Variants in RBFOX1 observed in about 807,000 individuals in gnomAD.
RBFOX1 encodes the protein RNA binding protein fox-1 homolog 1.
A neutral mutation model predicts 57.7 loss-of-function variants in RBFOX1; 8 were observed. That is an observed-to-expected ratio of 0.14 (90% CI 0.08 to 0.25). The LOEUF (loss-of-function observed/expected upper bound fraction) is 0.25, where lower values mean the gene tolerates loss of function less well. Ranked by LOEUF, RBFOX1 falls within the 10% of genes least tolerant of loss-of-function variation. The probability of loss-of-function intolerance (pLI) is 1.00; values close to 1 mark genes in which losing one functional copy is unlikely to be tolerated. For synonymous variants in RBFOX1, 326 were observed against 222.4 expected, an observed-to-expected ratio of 1.47 and a Z score of -4.15; for missense variants, 611 against 548.5, an observed-to-expected ratio of 1.11 and a Z score of -1.14.
chr16:7,115,604 C>G (rs1055718992), intron 4 of RBFOX1, among the ~76,000 whole-genome samples: 18 of 152,248 alleles, frequency 1.2e-4, no homozygotes, highest in African/African-American at 4.1e-4. Context: ...CACAGATTTA[C>G]CTCTGGAAAG....
At chr16:7,252,057 C>G (rs552202556) in intron 4 of RBFOX1, among the ~76,000 whole-genome samples, 1 of 152,242 alleles carries the variant, frequency 6.6e-6, no homozygotes, top group South Asian at 2.1e-4. Flanking sequence ...ATATTGTGTT[C>G]TAGCACACTG....
At chr16:5,954,538 G>A (rs1269758525) in intron 4 of RBFOX1, among the ~76,000 whole-genome samples, 1 of 152,174 alleles carries the variant, frequency 6.6e-6, no homozygotes, top group Admixed American at 6.5e-5. Flanking sequence ...TATTAAAAGT[G>A]TTCTTAATTA....
intron 2 of RBFOX1, among the ~76,000 whole-genome samples, chr16:6,410,895 T>A (rs1041868625): frequency 6.6e-6 from 1 of 152,082 alleles, no homozygotes; most frequent in East Asian, 1.9e-4. Context: ...CAGCGCACAG[T>A]TGGGGATAAA....
At chr16:5,723,777 G>T (rs1196063509) in intron 3 of RBFOX1, among the ~76,000 whole-genome samples, 3 of 152,234 alleles carry the variant, frequency 2.0e-5, no homozygotes, top group African/African-American at 7.2e-5. Context: ...CCAGCCCACA[G>T]GCAGCTATGG....
intron 2 of RBFOX1, among the ~76,000 whole-genome samples, chr16:6,346,386 A>T (rs570119095): frequency 3.7e-4 from 57 of 152,344 alleles, no homozygotes; most frequent in African/African-American, 1.2e-3. Flanking sequence ...AACTAAGTGA[A>T]AGCCTAACTT....
chr16:5,500,520 C>T (rs1035371035), intron 2 of RBFOX1, among the ~76,000 whole-genome samples: 6 of 152,156 alleles, frequency 3.9e-5, no homozygotes, highest in Non-Finnish European at 2.9e-5. Flanking sequence ...TCATGCCTGG[C>T]CGAGTATCAG....
intron 2 of RBFOX1, among the ~76,000 whole-genome samples, chr16:5,587,084 T>C (rs1406086636): frequency 6.6e-6 from 1 of 152,144 alleles, no homozygotes; most frequent in East Asian, 1.9e-4. Context: ...AAAATGGACA[T>C]GGCCCATTGG....
intron 2 of RBFOX1, among the ~76,000 whole-genome samples, chr16:5,489,450 A>G (rs1415266711): frequency 6.6e-6 from 1 of 152,240 alleles, no homozygotes; most frequent in Non-Finnish European, 1.5e-5. Context: ...GAAACTGGAT[A>G]GACTTCCATT....
intron 3 of RBFOX1, among the ~76,000 whole-genome samples, chr16:6,828,369 C>A (rs1047655589): frequency 6.6e-6 from 1 of 151,944 alleles, no homozygotes; most frequent in East Asian, 1.9e-4. Flanking sequence ...ACTCAAAATA[C>A]AAAAATTAAC....
At chr16:6,865,256 G>A (rs1452085758) in intron 3 of RBFOX1, among the ~76,000 whole-genome samples, 1 of 151,850 alleles carries the variant, frequency 6.6e-6, no homozygotes, top group East Asian at 1.9e-4. Flanking sequence ...ACCCGCCTTG[G>A]CCTCCCACAG....
At chr16:6,481,843 T>C (rs1448217627) in intron 2 of RBFOX1, among the ~76,000 whole-genome samples, 1 of 152,178 alleles carries the variant, frequency 6.6e-6, no homozygotes, top group East Asian at 1.9e-4. Context: ...AGAACACAAA[T>C]AGAATTTTGT....
In RBFOX1 at chr16:6,803,252, C is replaced by T. The variant is rs117092937; in HGVS notation, c.-16+148602C>T. Among the ~76,000 whole-genome samples the T allele has an allele frequency of 9.8e-3, 1,498 of 152,218 alleles. 12 individuals are homozygous for T. Among genetic ancestry groups the T allele is most frequent in the Non-Finnish European group, 0.016 (1,072 of 68,020 alleles). On this transcript the variant is annotated intron_variant, in intron 3 of 15. Transcript: ENST00000550418. ...CTATGACATTGCTGTTAGCTTTCTGCATGAAAGTGCAAACTTCAATTTTCA... is the reference window on the plus strand; with the variant it reads ...CTATGACATTGCTGTTAGCTTTCTGTATGAAAGTGCAAACTTCAATTTTCA...
intron 1 of RBFOX1, among the ~76,000 whole-genome samples, chr16:5,301,130 G>T (rs1310298854): frequency 6.6e-6 from 1 of 152,160 alleles, no homozygotes; most frequent in Non-Finnish European, 1.5e-5. Context: ...TTACCTTCGA[G>T]ACCAGTTTAC....
chr16:6,641,902 TGACCCA>T, intron 2 of RBFOX1, among the ~76,000 whole-genome samples: 1 of 152,246 alleles, frequency 6.6e-6, no homozygotes, highest in Admixed American at 6.5e-5. Context: ...CACACACCAC[TGACCCA>T]GTTAGGGCTT....
chr16:7,635,162 A>G (rs1016832702), intron 11 of RBFOX1, among the ~76,000 whole-genome samples: 1 of 152,212 alleles, frequency 6.6e-6, no homozygotes, highest in Non-Finnish European at 1.5e-5. Context: ...GGTAAAGAAC[A>G]TACCACATCT....
At chr16:6,645,013 C>T (rs1342387022) in intron 2 of RBFOX1, among the ~76,000 whole-genome samples, 3 of 152,110 alleles carry the variant, frequency 2.0e-5, no homozygotes, top group Non-Finnish European at 4.4e-5. Flanking sequence ...GGCTCTACGT[C>T]CAAGTTGAAA....
intron 4 of RBFOX1, among the ~76,000 whole-genome samples, chr16:7,070,756 T>C (rs75453106): frequency 0.01 from 1,531 of 152,280 alleles, 30 homozygotes; most frequent in African/African-American, 0.035. Context: ...AAACTGGCCT[T>C]AAACTGAAGA....
intron 2 of RBFOX1, among the ~76,000 whole-genome samples, chr16:6,571,672 C>A (rs1048903181): frequency 1.3e-5 from 2 of 152,092 alleles, no homozygotes; most frequent in Middle Eastern, 3.2e-3. Flanking sequence ...TGAAGGCATG[C>A]CTCCTGAGAT....
chr16:7,160,049 C>G (rs1220433034), intron 4 of RBFOX1, among the ~76,000 whole-genome samples: 1 of 152,086 alleles, frequency 6.6e-6, no homozygotes, highest in Non-Finnish European at 1.5e-5. Flanking sequence ...TGTCAGTGTG[C>G]CTGTTGCTGT....
Sources: gnomAD v4.1 joint callset for allele counts (sites outside exome capture counted in the v4.1 genomes callset) on GRCh38, gnomAD v4.1.1 for gene constraint, MANE v1.5 for transcripts, NCBI Gene and HGNC (gene_info 2026-07-23, HGNC 2026-07-21) for gene names.